The following NTF3 variants were observed in gnomAD, a reference collection of about 807,000 sequenced individuals.
NTF3 encodes neurotrophin 3, also known as neurotrophin-3.
Under a neutral mutation model 26.3 loss-of-function variants are expected in NTF3, and 8 were observed. That is an observed-to-expected ratio of 0.30 (90% CI 0.18 to 0.55). The LOEUF is 0.55. Ranked by LOEUF, NTF3 falls within the 20% of genes least tolerant of loss-of-function variation. The pLI is 0.93. For synonymous variants in NTF3, 154 were observed against 145.5 expected, an observed-to-expected ratio of 1.06 and a Z score of -0.42; for missense variants, 276 against 352.9, an observed-to-expected ratio of 0.78 and a Z score of 1.75.
rs1258208003 is a variant in NTF3 at position 5,456,340 on chromosome 12, T to A, written c.18+23998T>A. 6.6e-6 allele frequency among the ~76,000 whole-genome samples: 1 copy of A among 152,152 alleles called. No individual in the cohort carries two copies. Among genetic ancestry groups the A allele is most frequent in the Non-Finnish European group, 1.5e-5 (1 of 68,016 alleles). On this transcript the variant is annotated intron_variant, in intron 1 of 1. Coordinates refer to ENST00000423158, the MANE Select transcript of NTF3 (RefSeq NM_001102654.2). This position sits in a 1 kb window ranked among gnomAD's most constrained non-coding sequence, Gnocchi z 4.4. ...GATTGATGAGTGAAAAATAAATGGA[T>A]GGTAGCCTCCTTTTGTGATTTTTGC...
chr12:5,489,888 G>A (rs910691911), intron 1 of NTF3, among the ~76,000 whole-genome samples: 12 of 152,184 alleles, frequency 7.9e-5, no homozygotes, highest in African/African-American at 2.9e-4. Context: ...CCAAAAAGGA[G>A]GAATCAGAAA....
upstream of NTF3, among the ~76,000 whole-genome samples, chr12:5,430,611 C>T (rs937751284): frequency 1.3e-5 from 2 of 151,724 alleles, no homozygotes; most frequent in African/African-American, 4.8e-5. Context: ...CCTCCCCATC[C>T]AACCCCCCAG....
At chr12:5,458,992 C>G (rs960856400) in intron 1 of NTF3, among the ~76,000 whole-genome samples, 1 of 152,202 alleles carries the variant, frequency 6.6e-6, no homozygotes, top group African/African-American at 2.4e-5. Context: ...TCTTGACGTG[C>G]CATGGAAAAT....
intron 1 of NTF3, among the ~76,000 whole-genome samples, chr12:5,482,222 G>A (rs2121237636): frequency 6.6e-6 from 1 of 152,314 alleles, no homozygotes; most frequent in African/African-American, 2.4e-5. Flanking sequence ...ACGGGTACTG[G>A]CCTGTCGCTT....
intron 1 of NTF3, among the ~76,000 whole-genome samples, chr12:5,474,473 G>A (rs1940699744): frequency 6.6e-6 from 1 of 152,162 alleles, no homozygotes; most frequent in African/African-American, 2.4e-5. Flanking sequence ...TGGTGTGTTT[G>A]GAAAACCCAG....
chr12:5,444,711 G>A (rs1940282248), intron 1 of NTF3, among the ~76,000 whole-genome samples: 1 of 152,152 alleles, frequency 6.6e-6, no homozygotes. Context: ...AAAACTCTGA[G>A]GGCACAATTA....
intron 1 of NTF3, among the ~76,000 whole-genome samples, chr12:5,475,252 G>A (rs1591602781): frequency 6.6e-6 from 1 of 152,170 alleles, no homozygotes. Context: ...CCGTCTGGAG[G>A]AGGGATCGGA....
chr12:5,466,322 C>T (rs1251165690), intron 1 of NTF3, among the ~76,000 whole-genome samples: 1 of 152,218 alleles, frequency 6.6e-6, no homozygotes, highest in Non-Finnish European at 1.5e-5. Flanking sequence ...TATTGGCATT[C>T]TGCTTACGTG....
chr12:5,466,846 G>A (rs1479719020), intron 1 of NTF3, among the ~76,000 whole-genome samples: 1 of 152,178 alleles, frequency 6.6e-6, no homozygotes, highest in African/African-American at 2.4e-5. Context: ...TGAACTCTGT[G>A]TACTTGTTAG....
At chr12:5,457,884 C>G (rs1451933615) in intron 1 of NTF3, among the ~76,000 whole-genome samples, 2 of 152,168 alleles carry the variant, frequency 1.3e-5, no homozygotes, top group Non-Finnish European at 2.9e-5. Flanking sequence ...GATCGGGCAG[C>G]CTCCAAGTCC....
intron 1 of NTF3, among the ~76,000 whole-genome samples, chr12:5,479,977 T>C (rs1396476172): frequency 6.6e-6 from 1 of 152,186 alleles, no homozygotes; most frequent in African/African-American, 2.4e-5. Flanking sequence ...GGAGCATCCC[T>C]GGGAGTCTGA....
intron 1 of NTF3, among the ~76,000 whole-genome samples, chr12:5,442,504 C>T (rs1940252167): frequency 6.6e-6 from 1 of 152,134 alleles, no homozygotes; most frequent in South Asian, 2.1e-4. Context: ...GGTGAGTCCA[C>T]CTCAGGCCCC....
Position 5,494,819 on chromosome 12 carries a change from A to G in NTF3, c.644A>G (p.Lys215Arg). ...ETRCKEARPV[K>R]NGCRGIDDKH... ...CGATGTAAGGAAGCCAGGCCGGTCAAAAACGGTTGCAGGGGTATTGATGAT... is the reference window on the plus strand; with the variant it reads ...CGATGTAAGGAAGCCAGGCCGGTCAGAAACGGTTGCAGGGGTATTGATGAT... Residue 215 changes from lysine to arginine, a missense_variant, in exon 2 of 2, where the codon AAA becomes AGA. Physicochemically the swap from Lys to Arg is conservative, Grantham distance 26. Around this residue, in one of 3 missense-constraint regions of NTF3, gnomAD observed 52 missense variants for 78.4 expected, o/e 0.66. Coordinates refer to ENST00000423158, the MANE Select transcript of NTF3 (RefSeq NM_001102654.2). This position sits in a 1 kb window ranked among gnomAD's most constrained non-coding sequence, Gnocchi z 8.3. The G allele has an allele frequency of 6.2e-7, 1 of 1,614,154 alleles. No individual in the cohort carries two copies. Among genetic ancestry groups the G allele is most frequent in the Non-Finnish European group, 8.5e-7 (1 of 1,180,036 alleles).
At chr12:5,438,281 T>C (rs1940197679) in intron 1 of NTF3, among the ~76,000 whole-genome samples, 1 of 152,178 alleles carries the variant, frequency 6.6e-6, no homozygotes, top group Admixed American at 6.5e-5. Flanking sequence ...GTCTTTTGTT[T>C]TACCTAAAAA....
At chr12:5,439,641 A>G (rs940154030) in intron 1 of NTF3, among the ~76,000 whole-genome samples, 3 of 152,224 alleles carry the variant, frequency 2.0e-5, no homozygotes, top group African/African-American at 4.8e-5. Context: ...CTGCCCTTAC[A>G]GAATACGGAT....
intron 1 of NTF3, among the ~76,000 whole-genome samples, chr12:5,432,689 G>A (rs564061999): frequency 6.6e-6 from 1 of 151,926 alleles, no homozygotes; most frequent in Non-Finnish European, 1.5e-5. Flanking sequence ...AAAGTGATCA[G>A]GTTTAAGGGA....
At chr12:5,432,075 G>C (rs1386777153), upstream of NTF3, 2 of 497,788 alleles carry the variant, frequency 4.0e-6, no homozygotes, top group Admixed American at 3.0e-5. Context: ...GGCCGGGTTG[G>C]CTGGTTATAA....
chr12:5,431,588 A>T (rs1346266592), upstream of NTF3, among the ~76,000 whole-genome samples: 1 of 149,178 alleles, frequency 6.7e-6, no homozygotes, highest in East Asian at 2.0e-4. Context: ...GGGGGTGGGG[A>T]GAGATCTGGA....
At chr12:5,435,068 T>A (rs983980491) in intron 1 of NTF3, among the ~76,000 whole-genome samples, 1 of 152,126 alleles carries the variant, frequency 6.6e-6, no homozygotes, top group African/African-American at 2.4e-5. Context: ...GAATGAGGGA[T>A]GTACATTTAA....
Sources: gnomAD v4.1 joint callset for allele counts (sites outside exome capture counted in the v4.1 genomes callset) on GRCh38, gnomAD v4.1.1 for gene constraint, gnomAD v4.1.1 regional missense constraint, Gnocchi (gnomAD v3.1) non-coding constraint, MANE v1.5 for transcripts, NCBI Gene and HGNC (gene_info 2026-07-23, HGNC 2026-07-21) for gene names.